GLIS1: variants seen among roughly 807,000 people sequenced by gnomAD.
GLIS1 encodes the protein zinc finger protein GLIS1.
A neutral mutation model predicts 63.8 loss-of-function variants in GLIS1; 24 were observed. The observed-to-expected ratio is 0.38, with a 90% CI of 0.27 to 0.53. GLIS1 has a LOEUF of 0.53. Among genes scored for constraint, GLIS1 ranks in the 20% least tolerant of loss-of-function variants. GLIS1 has a pLI of 0.85. For missense variants in GLIS1, 1,036 were observed against 1,074.1 expected (o/e 0.96, Z 0.50); for synonymous variants, 450 against 482.5 (o/e 0.93, Z 0.88).
chr1:53,702,736 G>C lies in GLIS1; in HGVS notation c.259+35070C>G, dbSNP rs969819620. Among the ~76,000 whole-genome samples the C allele has an allele frequency of 4.7e-5, 7 of 148,898 alleles. No individual in the cohort carries two copies. In the East Asian group the frequency reaches 7.9e-4, roughly 17 times the overall value. On this transcript the variant is annotated intron_variant, in intron 2 of 10. Transcript: ENST00000628545. ...ACTGTGTCGACAAGGTCTGCCTTGG[G>C]ACCTCAGCCACAGAAGACTCTGGCC...
At position 53,666,540 on chromosome 1, in the gene GLIS1, C is replaced by G. The variant is rs115622127; in HGVS notation, c.260-66262G>C. Among the ~76,000 whole-genome samples, 1,122 of 152,250 alleles carry G rather than the reference C, an allele frequency of 7.4e-3. 24 individuals carry two copies. The highest frequency in any genetic ancestry group is 0.026 in the African/African-American group (1,084 of 41,522). ...AGCAGCTCTCAGGTCCCTTCAAGGT[C>G]TGGCTTGCCTCCTCTCTAATCTCAT... On this transcript the variant is annotated intron_variant, in intron 2 of 10. Transcript: ENST00000628545.
At chr1:53,546,405 C>T (rs1569798695) in intron 4 of GLIS1, among the ~76,000 whole-genome samples, 1 of 152,246 alleles carries the variant, frequency 6.6e-6, no homozygotes, top group South Asian at 2.1e-4. Context: ...GGGGACACAT[C>T]CCTGAGCCAT....
intron 4 of GLIS1, among the ~76,000 whole-genome samples, chr1:53,534,329 C>G (rs1644561451): frequency 6.6e-6 from 1 of 152,074 alleles, no homozygotes; most frequent in Non-Finnish European, 1.5e-5. Context: ...ATGGGGCCTG[C>G]ACCACAGGGA....
At chr1:53,520,430 G>A (rs935004908) in intron 7 of GLIS1, among the ~76,000 whole-genome samples, 2 of 152,252 alleles carry the variant, frequency 1.3e-5, no homozygotes, top group Admixed American at 1.3e-4. Context: ...TGAAGGAAAC[G>A]TCCACCTAGT....
chr1:53,692,463 C>T (rs1468643008), intron 2 of GLIS1, among the ~76,000 whole-genome samples: 2 of 152,270 alleles, frequency 1.3e-5, no homozygotes, highest in Admixed American at 6.5e-5. Context: ...TTATTGAGCA[C>T]TTACTGTGTG....
intron 2 of GLIS1, among the ~76,000 whole-genome samples, chr1:53,687,893 G>A (rs556991536): frequency 1.9e-4 from 29 of 152,288 alleles, no homozygotes; most frequent in East Asian, 1.2e-3. Context: ...ACCCCAACTC[G>A]GGGAGCTGGT....
Position 53,553,863 on chromosome 1 carries a change from G to T in GLIS1, c.1321-23911C>A, listed in dbSNP as rs186734240. On this transcript the variant is annotated intron_variant, in intron 4 of 10. Transcript: ENST00000628545. The stretch of plus-strand genomic sequence containing the variant: ...TGTGTGGCTGGAGCAGAACGGGCAG[G>T]TGGAGGATGGCCAGGGGCTCTGGAG... 7.2e-5 allele frequency among the ~76,000 whole-genome samples: 11 copies of T among 152,328 alleles called. No individual in the cohort carries two copies. In the East Asian group the frequency reaches 2.1e-3, roughly 29 times the overall value.
rs1327136741 is a variant in GLIS1 at position 53,598,863 on chromosome 1, T to C, written c.437+1238A>G. Reference sequence around the variant, plus strand: ...TTGGGAAGAACAGCATCCTTCTATTTAGGAATTTATCCACTGTGGAGCTCT... The same window carrying C: ...TTGGGAAGAACAGCATCCTTCTATTCAGGAATTTATCCACTGTGGAGCTCT... On this transcript the variant is annotated intron_variant, in intron 3 of 10. Coordinates refer to ENST00000628545, the MANE Select transcript of GLIS1 (RefSeq NM_001367484.1). This position sits in a 1 kb window ranked among gnomAD's most constrained non-coding sequence, Gnocchi z 4.6. Among the ~76,000 whole-genome samples the C allele has an allele frequency of 6.6e-6, 1 of 152,200 alleles. No individual in the cohort carries two copies. The highest frequency in any genetic ancestry group is 1.5e-5 in the Non-Finnish European group (1 of 68,036).
chr1:53,517,140 C>T (rs1172878495), intron 7 of GLIS1, among the ~76,000 whole-genome samples: 1 of 151,954 alleles, frequency 6.6e-6, no homozygotes, highest in Non-Finnish European at 1.5e-5. Context: ...TCATCAGGCC[C>T]ATCTTCCAAG....
intron 2 of GLIS1, among the ~76,000 whole-genome samples, chr1:53,685,515 C>G (rs1646327014): frequency 6.6e-6 from 1 of 152,260 alleles, no homozygotes; most frequent in African/African-American, 2.4e-5. Context: ...TGCAAAAACC[C>G]TGGTACCTGA....
At chr1:53,532,229 G>A (rs938402084) in intron 4 of GLIS1, among the ~76,000 whole-genome samples, 1 of 152,366 alleles carries the variant, frequency 6.6e-6, no homozygotes, top group African/African-American at 2.4e-5. Flanking sequence ...GGGACCGGGG[G>A]AGGAGACAGG....
chr1:53,732,096 A>T (rs1243497247), intron 2 of GLIS1, among the ~76,000 whole-genome samples: 1 of 152,258 alleles, frequency 6.6e-6, no homozygotes. Context: ...TGCGTTATTC[A>T]GTTAACAGAC....
rs534327831 is a variant in GLIS1, at chr1:53,715,796, C to T, written c.259+22010G>A. 2.6e-4 allele frequency among the ~76,000 whole-genome samples: 39 copies of T among 152,080 alleles called. No homozygotes were observed. In the South Asian group the frequency reaches 7.5e-3, roughly 29 times the overall value. ...TGACCAAATCTGGCCCCATGGAGGC[C>T]GTGGAGGACCTGGCAAGAGCAGTCG... is the stretch of plus-strand genomic sequence containing the variant. On this transcript the variant is annotated intron_variant, in intron 2 of 10. Coordinates refer to ENST00000628545, the MANE Select transcript of GLIS1 (RefSeq NM_001367484.1).
Position 53,560,781 on chromosome 1 carries a change from G to T in GLIS1, c.1321-30829C>A, listed in dbSNP as rs1644878575. On this transcript the variant is annotated intron_variant, in intron 4 of 10. Coordinates refer to ENST00000628545, the MANE Select transcript of GLIS1 (RefSeq NM_001367484.1). The surrounding 1 kb of genome is among the most constrained non-coding windows in gnomAD (Gnocchi z 4.4). ...GATGCCTCAGAAGTGGCCCACGACA[G>T]TGGCGATGAGTCCTTGGACTCCACC... Among the ~76,000 whole-genome samples the T allele has an allele frequency of 6.6e-6, 1 of 152,188 alleles. No individual in the cohort carries two copies. Among genetic ancestry groups the T allele is most frequent in the Non-Finnish European group, 1.5e-5 (1 of 68,026 alleles).
At chr1:53,701,087 G>C (rs1029854992) in intron 2 of GLIS1, among the ~76,000 whole-genome samples, 1 of 152,152 alleles carries the variant, frequency 6.6e-6, no homozygotes, top group African/African-American at 2.4e-5. Flanking sequence ...TAACATTTTG[G>C]TACAAATTTC....
At chr1:53,519,153 G>GC (rs993679765) in intron 7 of GLIS1, among the ~76,000 whole-genome samples, 20 of 152,164 alleles carry the variant, frequency 1.3e-4, no homozygotes, top group African/African-American at 4.8e-4. Flanking sequence ...GGTTGGATGA[G>GC]CCCCCCGGTC....
At chr1:53,643,420 A>G (rs1645808640) in intron 2 of GLIS1, among the ~76,000 whole-genome samples, 1 of 152,194 alleles carries the variant, frequency 6.6e-6, no homozygotes, top group African/African-American at 2.4e-5. Flanking sequence ...GGAGTGAGCC[A>G]CGGGCTGAGA....
chr1:53,583,486 C>T (rs558031520), intron 4 of GLIS1, among the ~76,000 whole-genome samples: 1 of 152,306 alleles, frequency 6.6e-6, no homozygotes, highest in South Asian at 2.1e-4. Flanking sequence ...CCTGCAGAGA[C>T]CTCCAGTCCC....
chr1:53,703,301 A>G lies in GLIS1; in HGVS notation c.259+34505T>C, dbSNP rs1346965267. ...AGAGAGGTATAAAGGAGACTCATAC[A>G]TGGGGCACCTGGTACAGGCCCTGGC... On this transcript the variant is annotated intron_variant, in intron 2 of 10. Transcript: ENST00000628545. 2.0e-5 allele frequency among the ~76,000 whole-genome samples: 3 copies of G among 152,184 alleles called. No individual in the cohort carries two copies. In the East Asian group the frequency reaches 5.8e-4, roughly 29 times the overall value.
Sources: allele counts gnomAD v4.1 joint callset (sites outside exome capture counted in the v4.1 genomes callset), GRCh38; gene constraint gnomAD v4.1.1; non-coding constraint Gnocchi (gnomAD v3.1); transcripts MANE v1.5; gene names NCBI Gene and HGNC (gene_info 2026-07-23, HGNC 2026-07-21).